IGSF9: variants seen among roughly 807,000 people sequenced by gnomAD.
IGSF9 encodes immunoglobulin superfamily member 9, also known as protein turtle homolog A.
Under a neutral mutation model 121.7 loss-of-function variants are expected in IGSF9, and 87 were observed. The ratio of observed to expected loss-of-function variants is 0.71; its 90% CI spans 0.60 to 0.85. The LOEUF (loss-of-function observed/expected upper bound fraction) is 0.85, where lower values mean the gene tolerates loss of function less well. Among genes scored for constraint, IGSF9 ranks in the 40% least tolerant of loss-of-function variants. The pLI is 0.00. For missense variants in IGSF9, 1,462 were observed against 1,565.3 expected (o/e 0.93, Z 1.11); for synonymous variants, 640 against 648.4 (o/e 0.99, Z 0.20).
At position 159,936,607 on chromosome 1, in the gene IGSF9, C is replaced by T. The variant is rs1224707030; in HGVS notation, c.556-91G>A. ...TTGGCCAGCAGAGGGAGGCAGCACCCCAGGCTCGGGGCAAACAATGCCAAG... is the reference window on the plus strand; with the variant it reads ...TTGGCCAGCAGAGGGAGGCAGCACCTCAGGCTCGGGGCAAACAATGCCAAG... On this transcript the variant is annotated intron_variant, in intron 5 of 20. Coordinates refer to ENST00000368094, the MANE Select transcript of IGSF9 (RefSeq NM_001135050.2). 3 of 1,529,786 alleles carry T rather than the reference C, an allele frequency of 2.0e-6. No homozygotes were observed. In the African/African-American group the frequency reaches 4.1e-5, roughly 21 times the overall value. The allele number at this position is 1,529,786 out of a possible 1,614,324, so 94.8% of individuals were successfully genotyped here. A position where few individuals can be genotyped will look rare whatever the true frequency, so the allele number is the denominator to read the frequency against.
chr1:159,929,897 T>C lies in IGSF9; in HGVS notation c.2143A>G (p.Thr715Ala). Residue 715 changes from threonine (T) to alanine (A), a missense_variant, in exon 16 of 21, where the codon ACT becomes GCT. Thr to Ala is a moderately conservative substitution (Grantham distance 58, BLOSUM62 0). This residue lies in a region of IGSF9 where 808 missense variants were observed against 815.2 expected (regional missense o/e 0.99). Coordinates refer to ENST00000368094, the MANE Select transcript of IGSF9 (RefSeq NM_001135050.2). Reference sequence around the variant, plus strand: ...CCTCACGCCAGGTGCTCACCGGAAGTGGAGACGTTGGCCGTGTTGCTGGGG... The same window carrying C: ...CCTCACGCCAGGTGCTCACCGGAAGCGGAGACGTTGGCCGTGTTGCTGGGG... ...SDPSNTANVS[T>A]SGLEVYPSRT... 1.9e-6 allele frequency: 3 copies of C among 1,574,236 alleles called. No individual in the cohort carries two copies. The South Asian group carries it at 3.5e-5, about 18-fold the overall frequency.
At chr1:159,930,481 C>A (rs1260002442) in intron 14 of IGSF9, 42 bp from the exon 15 acceptor site, 1 of 1,517,022 alleles carries the variant, frequency 6.6e-7, no homozygotes, top group Non-Finnish European at 8.8e-7. Context: ...GGATTCCCAG[C>A]GCCCCTCCCC....
rs1350840758 is a variant in IGSF9, at chr1:159,940,147, TAGTA to T, written c.248-2313_248-2310del. On this transcript the variant is annotated intron_variant, in intron 3 of 20. Transcript: ENST00000368094. ...AAGTTTCTTTCCAAAATCACATGGC[TAGTA>T]AGTGACAAAGCCAGGCTTCTTTCTC... Among the ~76,000 whole-genome samples, 3 of 152,318 alleles carry T rather than the reference TAGTA, an allele frequency of 2.0e-5. No homozygotes were observed. The East Asian group carries it at 5.8e-4, about 29-fold the overall frequency.
chr1:159,941,556 G>A (rs753489974), intron 3 of IGSF9, among the ~76,000 whole-genome samples: 22 of 152,252 alleles, frequency 1.4e-4, no homozygotes, highest in Non-Finnish European at 3.2e-4. Context: ...GGTAGACAAA[G>A]TTGCTAACCA....
At position 159,929,184 on chromosome 1, in the gene IGSF9, G is replaced by A. The variant is rs1048022914; in HGVS notation, c.2370-166C>T. On this transcript the variant is annotated intron_variant, in intron 18 of 20. Coordinates refer to ENST00000368094, the MANE Select transcript of IGSF9 (RefSeq NM_001135050.2). ...GTGGAGGGAAGGCACAGGCCATACT[G>A]GAACGGCCTCAGGCTGGGGCCACTG... is the stretch of plus-strand genomic sequence containing the variant. 1.3e-5 allele frequency: 17 copies of A among 1,287,662 alleles called. No individual in the cohort carries two copies. In the Admixed American group the frequency reaches 3.0e-4, roughly 23 times the overall value. The allele number at this position is 1,287,662 out of a possible 1,614,324, so 79.8% of individuals were successfully genotyped here.
chr1:159,944,766 A>G (rs576355724), intron 1 of IGSF9, among the ~76,000 whole-genome samples: 1 of 152,146 alleles, frequency 6.6e-6, no homozygotes, highest in Non-Finnish European at 1.5e-5. Context: ...AGGACAGACT[A>G]TAAAACATCC....
intron 20 of IGSF9, 57 bp from the exon 21 acceptor site, chr1:159,927,583 C>T: frequency 6.3e-7 from 1 of 1,579,842 alleles, no homozygotes; most frequent in Non-Finnish European, 8.6e-7. Context: ...GAGTGAAGAG[C>T]TCAGATGTGA....
chr1:159,943,170 G>C lies in IGSF9; in HGVS notation c.59-19C>G. ...CCTCGACCTGCATGATGGGTGGCAT[G>C]AGGGCACAACGGGGGGCTAGGGTCA... On this transcript the variant is annotated intron_variant, in intron 2 of 20. Transcript: ENST00000368094. The C allele has an allele frequency of 6.3e-7, 1 of 1,578,664 alleles. No individual in the cohort carries two copies. Among genetic ancestry groups the C allele is most frequent in the Admixed American group, 2.0e-5 (1 of 50,746 alleles).
At chr1:159,934,612 A>G in intron 7 of IGSF9, 42 bp from the exon 8 acceptor site, 1 of 1,613,346 alleles carries the variant, frequency 6.2e-7, no homozygotes, top group Non-Finnish European at 8.5e-7. Flanking sequence ...GGCCTTGCCC[A>G]GCCAAGCGGC....
Position 159,932,925 on chromosome 1 carries a change from C to A in IGSF9, c.1105-273G>T, listed in dbSNP as rs1326376828. On this transcript the variant is annotated intron_variant, in intron 9 of 20. Coordinates refer to ENST00000368094, the MANE Select transcript of IGSF9 (RefSeq NM_001135050.2). The surrounding 1 kb of genome is among the most constrained non-coding windows in gnomAD (Gnocchi z 4.1). ...TGAATGGCCACCCCTGTAGTTGGGC[C>A]GCGTGGGGCTTCCTGCCTGCTGGGA... is the stretch of plus-strand genomic sequence containing the variant. The A allele has an allele frequency of 1.2e-5, 4 of 334,632 alleles. No homozygotes were observed. The Admixed American group carries it at 1.9e-4, about 16-fold the overall frequency. 20.7% of individuals were successfully genotyped at this position (334,632 alleles called of 1,614,324 possible). A position where few individuals can be genotyped will look rare whatever the true frequency, so the allele number is the denominator to read the frequency against.
In IGSF9 at chr1:159,932,178, C is replaced by T; in HGVS notation, c.1246-250G>A. 1.8e-6 allele frequency: 1 copy of T among 567,682 alleles called. No individual in the cohort carries two copies. Among genetic ancestry groups the T allele is most frequent in the Non-Finnish European group, 3.1e-6 (1 of 321,446 alleles). The allele number at this position is 567,682 out of a possible 1,614,324, so 35.2% of individuals were successfully genotyped here. ...TGTAGTAAGGGCTGGCAGGCTTAGG[C>T]AGGACTCTCAGAGATGTACAAACCT... On this transcript the variant is annotated intron_variant, in intron 10 of 20. Transcript: ENST00000368094. This position sits in a 1 kb window ranked among gnomAD's most constrained non-coding sequence, Gnocchi z 4.1.
At chr1:159,943,935 C>T (rs776375399) in intron 1 of IGSF9, among the ~76,000 whole-genome samples, 17 of 152,154 alleles carry the variant, frequency 1.1e-4, no homozygotes, top group Non-Finnish European at 2.2e-4. Context: ...TCTTGAAAAA[C>T]TAAGCCAGAA....
chr1:159,932,538 AGGGCCCGGCGGTACCAAGACTGTTGTAGG>A lies in IGSF9; in HGVS notation c.1190_1218del (p.Pro397LeufsTer101), dbSNP rs1324977748. 1 of 1,613,734 alleles carries A rather than the reference AGGGCCCGGCGGTACCAAGACTGTTGTAGG, an allele frequency of 6.2e-7. No homozygotes were observed. The highest frequency in any genetic ancestry group is 1.3e-5 in the African/African-American group (1 of 74,822). On this transcript the variant is annotated frameshift_variant, in exon 10 of 21. Transcript: ENST00000368094. LOFTEE classifies it high-confidence loss of function. This position sits in a 1 kb window ranked among gnomAD's most constrained non-coding sequence, Gnocchi z 4.1. ...TTGAGCAGCACGCGGGTCACAGGAGAGGGCCCGGCGGTACCAAGACTGTTGTAGGGGGTGCAGGAGTATTCTCCCAGGGC... is the reference window on the plus strand; with the variant it reads ...TTGAGCAGCACGCGGGTCACAGGAGAGGGTGCAGGAGTATTCTCCCAGGGC...
intron 20 of IGSF9, 94 bp from the exon 21 acceptor site, chr1:159,927,620 T>A: frequency 6.5e-7 from 1 of 1,540,888 alleles, no homozygotes; most frequent in Non-Finnish European, 8.8e-7. Flanking sequence ...CCAGTACAGA[T>A]GGCCCAAGGG....
In IGSF9 at chr1:159,927,854, C is replaced by T; in HGVS notation, c.3264G>A (p.Trp1088Ter). Residue 1088 changes from tryptophan to a stop codon, truncating the protein, a stop_gained, in exon 20 of 21, where the codon TGG becomes TGA. Transcript: ENST00000368094. LOFTEE classifies it high-confidence loss of function. ...RNTSVDENYE[W>*]DSEFPGDMEL... Reference sequence around the variant, plus strand: ...CCATGTCCCCAGGGAATTCTGAGTCCCACTCATAGTTCTCGTCCACAGATG... The same window carrying T: ...CCATGTCCCCAGGGAATTCTGAGTCTCACTCATAGTTCTCGTCCACAGATG... The T allele has an allele frequency of 6.2e-7, 1 of 1,613,028 alleles. No individual in the cohort carries two copies. The highest frequency in any genetic ancestry group is 8.5e-7 in the Non-Finnish European group (1 of 1,179,750).
chr1:159,935,510 G>A (rs1405409624), intron 6 of IGSF9, among the ~76,000 whole-genome samples: 1 of 152,164 alleles, frequency 6.6e-6, no homozygotes, highest in Admixed American at 6.5e-5. Context: ...CCTCCCAAGG[G>A]CCTGGCCGCG....
Position 159,936,878 on chromosome 1 carries a change from G to A in IGSF9, c.431C>T (p.Ala144Val). The A allele has an allele frequency of 6.2e-7, 1 of 1,614,216 alleles. No homozygotes were observed. Among genetic ancestry groups the A allele is most frequent in the South Asian group, 1.1e-5 (1 of 91,088 alleles). ...CTCCAGTTCCTGCACTTCCAACACA[G>A]CAGGAGGTGTCTCCTGGAATTGAGG... ...SPPQFQETPP[A>V]VLEVQELEPV... Residue 144 changes from alanine to valine, a missense_variant, in exon 5 of 21, where the codon GCT becomes GTT. Coordinates refer to ENST00000368094, the MANE Select transcript of IGSF9 (RefSeq NM_001135050.2).
At position 159,932,729 on chromosome 1, in the gene IGSF9, G is replaced by A. The variant is rs1257378526; in HGVS notation, c.1105-77C>T. 1.4e-6 allele frequency: 2 copies of A among 1,448,906 alleles called. No homozygotes were observed. The highest frequency in any genetic ancestry group is 2.8e-5 in the African/African-American group (2 of 70,954). The allele number at this position is 1,448,906 out of a possible 1,614,324, so 89.8% of individuals were successfully genotyped here. On this transcript the variant is annotated intron_variant, in intron 9 of 20. Transcript: ENST00000368094. This position sits in a 1 kb window ranked among gnomAD's most constrained non-coding sequence, Gnocchi z 4.1. Reference sequence around the variant, plus strand: ...CCCGGGATGGCAGTACAAGAGAGGGGGCAGGATGAGAAACCCACAGCTGTG... The same window carrying A: ...CCCGGGATGGCAGTACAAGAGAGGGAGCAGGATGAGAAACCCACAGCTGTG...
chr1:159,933,168 A>G, intron 9 of IGSF9: 1 of 153,898 alleles, frequency 6.5e-6, no homozygotes, highest in Admixed American at 6.4e-5. Flanking sequence ...GTCCTCTGTA[A>G]ATCAGACTCC....
Sources: allele counts gnomAD v4.1 joint callset (sites outside exome capture counted in the v4.1 genomes callset), GRCh38; gene constraint gnomAD v4.1.1; regional missense constraint gnomAD v4.1.1; non-coding constraint Gnocchi (gnomAD v3.1); transcripts MANE v1.5; gene names NCBI Gene and HGNC (gene_info 2026-07-23, HGNC 2026-07-21).